MAP7: variants seen among roughly 807,000 people sequenced by gnomAD.
The protein encoded by MAP7 is microtubule associated protein 7, also known as ensconsin.
MAP7 carries 52 observed loss-of-function variants against 94.8 expected under a neutral mutation model. The observed-to-expected ratio is 0.55, with a 90% CI of 0.44 to 0.69. MAP7 has a LOEUF of 0.69. Among genes scored for constraint, MAP7 ranks in the 30% least tolerant of loss-of-function variants. The pLI, the probability that MAP7 is intolerant of heterozygous loss-of-function variation, is 0.00. For missense variants in MAP7, 940 were observed against 964.6 expected (o/e 0.97, Z 0.34); for synonymous variants, 350 against 357.0 (o/e 0.98, Z 0.22).
Position 136,423,796 on chromosome 6 carries a change from T to G in MAP7, c.68-1997A>C, listed in dbSNP as rs571729806. ...CAGGGAGTTGTGTTTTTTTTTTTTG[T>G]TTTTTTGTTTTGTTTTTTGAGACAG... On this transcript the variant is annotated intron_variant, in intron 1 of 17. Coordinates refer to ENST00000354570, the MANE Select transcript of MAP7 (RefSeq NM_003980.6). Among the ~76,000 whole-genome samples, 8 of 143,366 alleles carry G rather than the reference T, an allele frequency of 5.6e-5. No homozygotes were observed. The South Asian group carries it at 9.1e-4, about 16-fold the overall frequency. 94.1% of individuals were successfully genotyped at this position (143,366 alleles called of 152,430 possible). A position where few individuals can be genotyped will look rare whatever the true frequency, so the allele number is the denominator to read the frequency against.
intron 10 of MAP7, among the ~76,000 whole-genome samples, chr6:136,363,557 C>T (rs1793457231): frequency 6.6e-6 from 1 of 152,234 alleles, no homozygotes; most frequent in Non-Finnish European, 1.5e-5. Context: ...CTTTTTCTAA[C>T]ATTTTAACCT....
chr6:136,517,254 T>A (rs1048677785), intron 1 of MAP7, among the ~76,000 whole-genome samples: 1 of 152,212 alleles, frequency 6.6e-6, no homozygotes, highest in Non-Finnish European at 1.5e-5. Flanking sequence ...TCCAGTCACA[T>A]ATGCCTATGG....
rs191179688 is a variant in MAP7 at position 136,532,174 on chromosome 6, C to T, written c.67+18168G>A. ...CAACAAGCTCACTAAACATCATCAGCGCACTGAGGAAGTAAAAACCCTAAG... is the reference window on the plus strand; with the variant it reads ...CAACAAGCTCACTAAACATCATCAGTGCACTGAGGAAGTAAAAACCCTAAG... On this transcript the variant is annotated intron_variant, in intron 1 of 17. Coordinates refer to ENST00000354570, the MANE Select transcript of MAP7 (RefSeq NM_003980.6). 3.5e-3 allele frequency among the ~76,000 whole-genome samples: 527 copies of T among 152,288 alleles called. 1 individual carries two copies. Among genetic ancestry groups the T allele is most frequent in the Non-Finnish European group, 4.7e-3 (317 of 68,020 alleles).
intron 8 of MAP7, among the ~76,000 whole-genome samples, chr6:136,367,346 C>T (rs896046642): frequency 6.6e-6 from 1 of 152,210 alleles, no homozygotes. Flanking sequence ...ATGTGAACAC[C>T]TGTCAGGAGG....
intron 1 of MAP7, among the ~76,000 whole-genome samples, chr6:136,547,666 C>A (rs780068840): frequency 3.3e-5 from 5 of 151,322 alleles, no homozygotes; most frequent in Non-Finnish European, 7.4e-5. Context: ...TAAATGTTTT[C>A]GCCACAAAGA....
intron 1 of MAP7, among the ~76,000 whole-genome samples, chr6:136,484,081 G>A (rs147815668): frequency 7.2e-5 from 11 of 152,280 alleles, no homozygotes; most frequent in Middle Eastern, 3.4e-3. Context: ...TTGAGACCAC[G>A]CATCAGTTGA....
intron 1 of MAP7, among the ~76,000 whole-genome samples, chr6:136,440,236 A>G (rs1284306730): frequency 2.0e-5 from 3 of 152,242 alleles, no homozygotes; most frequent in African/African-American, 7.2e-5. Flanking sequence ...TAATAATACA[A>G]AGATAATCAT....
At chr6:136,406,535 T>C (rs759603187) in intron 3 of MAP7, among the ~76,000 whole-genome samples, 3 of 152,144 alleles carry the variant, frequency 2.0e-5, no homozygotes, top group Non-Finnish European at 4.4e-5. Flanking sequence ...AAAAAGCTAA[T>C]AGGGGCTGGG....
chr6:136,401,754 C>T (rs1784149990), intron 3 of MAP7, among the ~76,000 whole-genome samples: 1 of 150,114 alleles, frequency 6.7e-6, no homozygotes, highest in Non-Finnish European at 1.5e-5. Context: ...ACGTTGTGCA[C>T]ATGTACCCAA....
At chr6:136,419,577 T>A (rs1790595507) in intron 2 of MAP7, among the ~76,000 whole-genome samples, 1 of 152,180 alleles carries the variant, frequency 6.6e-6, no homozygotes, top group South Asian at 2.1e-4. Context: ...CAGGCCCCCA[T>A]GTGTACCTTA....
intron 1 of MAP7, among the ~76,000 whole-genome samples, chr6:136,506,323 T>C (rs1340655673): frequency 6.6e-6 from 1 of 152,102 alleles, no homozygotes; most frequent in South Asian, 2.1e-4. Flanking sequence ...TAGGTTTCAC[T>C]GAGAACGAAG....
chr6:136,547,309 G>A (rs558294259), intron 1 of MAP7, among the ~76,000 whole-genome samples: 9 of 152,278 alleles, frequency 5.9e-5, no homozygotes, highest in East Asian at 1.9e-4. Flanking sequence ...TTATTCCTTC[G>A]TGCATGAAAG....
chr6:136,517,408 C>T (rs902172187), intron 1 of MAP7, among the ~76,000 whole-genome samples: 1 of 152,162 alleles, frequency 6.6e-6, no homozygotes, highest in African/African-American at 2.4e-5. Context: ...ATGGTCTTTC[C>T]ACCAGGCCAT....
intron 5 of MAP7, among the ~76,000 whole-genome samples, chr6:136,386,275 AT>A (rs1779175120): frequency 6.6e-6 from 1 of 152,090 alleles, no homozygotes. Flanking sequence ...ATAGCAAATC[AT>A]TTTCTGGTCT....
intron 3 of MAP7, among the ~76,000 whole-genome samples, chr6:136,397,162 C>T (rs1782710432): frequency 6.6e-6 from 1 of 152,050 alleles, no homozygotes. Flanking sequence ...TGAGTGCAAA[C>T]TTATTGCTAA....
intron 1 of MAP7, among the ~76,000 whole-genome samples, chr6:136,439,443 T>C (rs9402812): frequency 0.054 from 8,224 of 152,238 alleles, 488 homozygotes; most frequent in African/African-American, 0.14. Context: ...TAAAGTTATG[T>C]TATTTACATT....
intron 1 of MAP7, among the ~76,000 whole-genome samples, chr6:136,455,008 T>G (rs1462420897): frequency 6.6e-6 from 1 of 151,998 alleles, no homozygotes; most frequent in Non-Finnish European, 1.5e-5. Flanking sequence ...GCCTTAAACT[T>G]ATGCTACTCC....
chr6:136,411,601 G>C lies in MAP7; in HGVS notation c.244+19C>G. The C allele has an allele frequency of 6.4e-7, 1 of 1,553,564 alleles. No homozygotes were observed. Among genetic ancestry groups the C allele is most frequent in the Non-Finnish European group, 8.7e-7 (1 of 1,147,668 alleles). ...GACATCCATTCAAATCAGGGCCATG[G>C]ACACGGGGCCTGGGGTACCTAGCTG... On this transcript the variant is annotated intron_variant, in intron 3 of 17. Coordinates refer to ENST00000354570, the MANE Select transcript of MAP7 (RefSeq NM_003980.6).
intron 11 of MAP7, 105 bp downstream of exon 11, chr6:136,362,345 T>A: frequency 1.4e-6 from 2 of 1,388,980 alleles, no homozygotes; most frequent in Non-Finnish European, 9.9e-7. Context: ...AAAGAACTAA[T>A]CCATTCACTT....
Sources: gnomAD v4.1 joint callset for allele counts (sites outside exome capture counted in the v4.1 genomes callset) on GRCh38, gnomAD v4.1.1 for gene constraint, MANE v1.5 for transcripts, NCBI Gene and HGNC (gene_info 2026-07-23, HGNC 2026-07-21) for gene names.